Variants in VEGFA observed in about 807,000 individuals in gnomAD.
VEGFA encodes the protein vascular endothelial growth factor A, long form.
In VEGFA, 20 loss-of-function variants were observed where a neutral mutation model predicts 49.7. The ratio of observed to expected loss-of-function variants is 0.40; its 90% CI spans 0.28 to 0.58. The LOEUF (loss-of-function observed/expected upper bound fraction) is 0.58, where lower values mean the gene tolerates loss of function less well. Among genes scored for constraint, VEGFA ranks in the 20% least tolerant of loss-of-function variants. The pLI, the probability that VEGFA is intolerant of heterozygous loss-of-function variation, is 0.40. For missense variants in VEGFA, 505 were observed against 553.5 expected (o/e 0.91, Z 0.88); for synonymous variants, 219 against 223.4 (o/e 0.98, Z 0.18).
chr6:43,777,061 G>A lies in VEGFA; in HGVS notation c.659-408G>A, dbSNP rs1229242897. 1 of 352,754 alleles carries A rather than the reference G, an allele frequency of 2.8e-6. No individual in the cohort carries two copies. Among genetic ancestry groups the A allele is most frequent in the Non-Finnish European group, 5.6e-6 (1 of 180,072 alleles). The allele number at this position is 352,754 out of a possible 1,614,324, so 21.9% of individuals were successfully genotyped here. A position where few individuals can be genotyped will look rare whatever the true frequency, so the allele number is the denominator to read the frequency against. Reference sequence around the variant, plus strand: ...TGGTAGTGGTTGTGGGGAGGACGTAGGAAACTGGAGACTAGCTTGGCAAAG... The same window carrying A: ...TGGTAGTGGTTGTGGGGAGGACGTAAGAAACTGGAGACTAGCTTGGCAAAG... On this transcript the variant is annotated intron_variant, in intron 2 of 7. Transcript: ENST00000672860. This position sits in a 1 kb window ranked among gnomAD's most constrained non-coding sequence, Gnocchi z 4.3.
At position 43,774,794 on chromosome 6, in the gene VEGFA, C is replaced by T. The variant is rs532774061; in HGVS notation, c.658+402C>T. 9 of 309,734 alleles carry T rather than the reference C, an allele frequency of 2.9e-5. No homozygotes were observed. The East Asian group carries it at 6.2e-4, about 21-fold the overall frequency. The allele number at this position is 309,734 out of a possible 1,614,324, so 19.2% of individuals were successfully genotyped here. ...TGTCCCATTTGTGGGAACTGTGACC[C>T]TTCCTGTGTGAGCTGGAGGCACAGA... On this transcript the variant is annotated intron_variant, in intron 2 of 7. Coordinates refer to ENST00000672860, the MANE Select transcript of VEGFA (RefSeq NM_003376.6).
At chr6:43,774,301 C>T (rs1764592751) in intron 1 of VEGFA, 40 bp from the exon 2 acceptor site, 3 of 1,611,736 alleles carry the variant, frequency 1.9e-6, no homozygotes, top group East Asian at 4.5e-5. Flanking sequence ...GCACCCCAGC[C>T]CCTGCCCATG....
chr6:43,779,251 A>G (rs1766508338), intron 5 of VEGFA: 3 of 493,508 alleles, frequency 6.1e-6, no homozygotes, highest in Admixed American at 6.9e-5. Flanking sequence ...GGACACCCAC[A>G]GTGGGGAGAG....
Position 43,784,843 on chromosome 6 carries a change from C to T in VEGFA, c.*281C>T. 1 of 606,862 alleles carries T rather than the reference C, an allele frequency of 1.6e-6. No individual in the cohort carries two copies. Among genetic ancestry groups the T allele is most frequent in the Admixed American group, 2.7e-5 (1 of 37,052 alleles). 37.6% of individuals were successfully genotyped at this position (606,862 alleles called of 1,614,324 possible). On this transcript the variant is annotated 3_prime_UTR_variant, in exon 8 of 8. Coordinates refer to ENST00000672860, the MANE Select transcript of VEGFA (RefSeq NM_003376.6). ...ATTCGCCATTTTATTTTTCTTGCTG[C>T]TAAATCACCGAGCCCGGAAGATTAG...
chr6:43,784,922 ATATATATATATAT>A lies in VEGFA; in HGVS notation c.*373_*385del. On this transcript the variant is annotated 3_prime_UTR_variant, in exon 8 of 8. Coordinates refer to ENST00000672860, the MANE Select transcript of VEGFA (RefSeq NM_003376.6). ...CACACCCACCCACATACATACATTTATATATATATATATTATATATATATAAAAATAAATATCT... is the reference window on the plus strand; with the variant it reads ...CACACCCACCCACATACATACATTTATATATATATATAAAAATAAATATCT... 5.6e-6 allele frequency: 1 copy of A among 179,248 alleles called. No homozygotes were observed. The highest frequency in any genetic ancestry group is 1.0e-4 in the East Asian group (1 of 9,730). 11.1% of individuals were successfully genotyped at this position (179,248 alleles called of 1,614,324 possible).
At chr6:43,780,700 T>G (rs750060813) in intron 5 of VEGFA, 32 bp from the exon 6 acceptor site, 10 of 1,324,338 alleles carry the variant, frequency 7.6e-6, no homozygotes, top group Non-Finnish European at 7.2e-6. Context: ...CCGCCCCCGC[T>G]CTCTCTCTGT....
rs751484748 is a variant in VEGFA at position 43,780,682 on chromosome 6, TC to T, written c.963-44del. The T allele has an allele frequency of 2.3e-5, 37 of 1,580,850 alleles. No homozygotes were observed. The East Asian group carries it at 7.5e-4, about 32-fold the overall frequency. On this transcript the variant is annotated intron_variant, in intron 5 of 7. Coordinates refer to ENST00000672860, the MANE Select transcript of VEGFA (RefSeq NM_003376.6). ...CTGCCCACCTTACCACTTCTTTTAC[TC>T]CCCCCACCGCCCCCGCTCTCTCTCT...
In VEGFA at chr6:43,784,852, C is replaced by T. The variant is rs778163655; in HGVS notation, c.*290C>T. On this transcript the variant is annotated 3_prime_UTR_variant, in exon 8 of 8. Coordinates refer to ENST00000672860, the MANE Select transcript of VEGFA (RefSeq NM_003376.6). Reference sequence around the variant, plus strand: ...TTTATTTTTCTTGCTGCTAAATCACCGAGCCCGGAAGATTAGAGAGTTTTA... The same window carrying T: ...TTTATTTTTCTTGCTGCTAAATCACTGAGCCCGGAAGATTAGAGAGTTTTA... 12 of 590,182 alleles carry T rather than the reference C, an allele frequency of 2.0e-5. No homozygotes were observed. Among genetic ancestry groups the T allele is most frequent in the African/African-American group, 5.6e-5 (3 of 53,590 alleles). The allele number at this position is 590,182 out of a possible 1,614,324, so 36.6% of individuals were successfully genotyped here.
At chr6:43,779,031 G>T in intron 5 of VEGFA, 113 bp downstream of exon 5, 1 of 1,390,444 alleles carries the variant, frequency 7.2e-7, no homozygotes, top group Non-Finnish European at 1.0e-6. Flanking sequence ...CAGGGACTTG[G>T]TCTTGTGGGG....
In VEGFA at chr6:43,779,690, C is replaced by T. The variant is rs760944860; in HGVS notation, c.962+772C>T. 5 of 469,676 alleles carry T rather than the reference C, an allele frequency of 1.1e-5. No homozygotes were observed. The East Asian group carries it at 2.0e-4, about 18-fold the overall frequency. The allele number at this position is 469,676 out of a possible 1,614,324, so 29.1% of individuals were successfully genotyped here. On this transcript the variant is annotated intron_variant, in intron 5 of 7. Coordinates refer to ENST00000672860, the MANE Select transcript of VEGFA (RefSeq NM_003376.6). ...GGCCTCAACCCCTTGCCTCTTCCCT[C>T]AGCTCCCAGCTTCCAGAGCGAGGGG...
At chr6:43,774,421 TC>T in intron 2 of VEGFA, 29 bp downstream of exon 2, 1 of 1,613,384 alleles carries the variant, frequency 6.2e-7, no homozygotes, top group South Asian at 1.1e-5. Context: ...TGGATGGGGT[TC>T]CCTGTCCTCT....
intron 7 of VEGFA, chr6:43,784,217 G>C (rs1412139409): frequency 4.1e-6 from 2 of 484,094 alleles, no homozygotes; most frequent in East Asian, 7.7e-5. Context: ...AGTGGGGACT[G>C]TTCTTTGGTA....
chr6:43,779,619 C>A, intron 5 of VEGFA: 1 of 448,424 alleles, frequency 2.2e-6, no homozygotes, highest in Non-Finnish European at 4.5e-6. Context: ...TCCCCCACAC[C>A]ATCTTGTCTG....
chr6:43,784,778 T>TC lies in VEGFA; in HGVS notation c.*219dup. On this transcript the variant is annotated 3_prime_UTR_variant, in exon 8 of 8. Coordinates refer to ENST00000672860, the MANE Select transcript of VEGFA (RefSeq NM_003376.6). Reference sequence around the variant, plus strand: ...GAGGGCGAGACTCCGGCGGAAGCATTCCCGGGCGGGTGACCCAGCACGGTC... The same window carrying TC: ...GAGGGCGAGACTCCGGCGGAAGCATTCCCCGGGCGGGTGACCCAGCACGGTC... 1 of 826,336 alleles carries TC rather than the reference T, an allele frequency of 1.2e-6. No individual in the cohort carries two copies. The highest frequency in any genetic ancestry group is 2.0e-6 in the Non-Finnish European group (1 of 490,092). The allele number at this position is 826,336 out of a possible 1,614,324, so 51.2% of individuals were successfully genotyped here. A position where few individuals can be genotyped will look rare whatever the true frequency, so the allele number is the denominator to read the frequency against.
At chr6:43,771,370 G>T in intron 1 of VEGFA, 58 bp downstream of exon 1, 1 of 1,563,996 alleles carries the variant, frequency 6.4e-7, no homozygotes, top group East Asian at 2.4e-5. Flanking sequence ...TCCCGGCTGG[G>T]GACGTGCGTG....
At chr6:43,780,874 T>C in intron 6 of VEGFA, 71 bp downstream of exon 6, 2 of 1,611,076 alleles carry the variant, frequency 1.2e-6, no homozygotes, top group Non-Finnish European at 1.7e-6. Context: ...CCGCCTGCCA[T>C]TCCCTGTAAC....
chr6:43,771,377 C>T, intron 1 of VEGFA, 65 bp downstream of exon 1: 1 of 1,530,824 alleles, frequency 6.5e-7, no homozygotes, highest in South Asian at 1.2e-5. Context: ...TGGGGACGTG[C>T]GTGCGAGCGC....
At chr6:43,771,433 G>A in intron 1 of VEGFA, 121 bp downstream of exon 1, 3 of 1,030,956 alleles carry the variant, frequency 2.9e-6, no homozygotes, top group Non-Finnish European at 4.0e-6. Flanking sequence ...GGCACCAGGC[G>A]TGCGGCGTCC....
At chr6:43,779,352 G>A (rs990925683) in intron 5 of VEGFA, 2 of 354,756 alleles carry the variant, frequency 5.6e-6, no homozygotes, top group South Asian at 2.7e-5. Flanking sequence ...ATGCGAGGCC[G>A]GCTGGAGGGT....
Sources: allele counts gnomAD v4.1 joint callset, GRCh38; gene constraint gnomAD v4.1.1; non-coding constraint Gnocchi (gnomAD v3.1); transcripts MANE v1.5; gene names NCBI Gene and HGNC (gene_info 2026-07-23, HGNC 2026-07-21).